The following CHN2 variants were observed in gnomAD, a reference collection of about 807,000 sequenced individuals.
The protein encoded by CHN2 is beta-chimaerin.
Under a neutral mutation model 56.3 loss-of-function variants are expected in CHN2, and 35 were observed. The observed-to-expected ratio is 0.62, with a 90% CI of 0.47 to 0.82. The LOEUF is 0.82. Among genes scored for constraint, CHN2 ranks in the 40% least tolerant of loss-of-function variants. The pLI is 0.00. For synonymous variants in CHN2, 210 were observed against 212.8 expected (o/e 0.99, Z 0.12); for missense variants, 491 against 580.5 (o/e 0.85, Z 1.58).
intron 2 of CHN2, among the ~76,000 whole-genome samples, chr7:29,188,057 CAGGGGGGTGGTAGGG>C (rs1798934635): frequency 6.6e-6 from 1 of 152,116 alleles, no homozygotes; most frequent in South Asian, 2.1e-4. Context: ...GGTGATGTAA[CAGGGGGGTGGTAGGG>C]AGAGATGAAA....
chr7:29,167,929 G>A (rs1458481448), intron 2 of CHN2, among the ~76,000 whole-genome samples: 2 of 152,154 alleles, frequency 1.3e-5, no homozygotes, highest in Admixed American at 1.3e-4. Context: ...TGACAAGGAG[G>A]CCTACAACAT....
intron 1 of CHN2, among the ~76,000 whole-genome samples, chr7:29,210,187 G>A: frequency 6.6e-6 from 1 of 152,146 alleles, no homozygotes; most frequent in East Asian, 1.9e-4. Flanking sequence ...GTGTAAATCA[G>A]TTACACTCAC....
intron 1 of CHN2, chr7:29,293,008 G>A: frequency 1.1e-5 from 5 of 456,174 alleles, no homozygotes; most frequent in South Asian, 7.7e-5. Context: ...CTCAGAGCCA[G>A]CCTCTGCATG....
intron 1 of CHN2, among the ~76,000 whole-genome samples, chr7:29,351,427 G>A (rs2128923051): frequency 6.6e-6 from 1 of 152,342 alleles, no homozygotes; most frequent in African/African-American, 2.4e-5. Context: ...TTGGCTAATA[G>A]AGGATGAGAG....
At chr7:29,229,161 G>A (rs901274286) in intron 1 of CHN2, among the ~76,000 whole-genome samples, 3 of 152,190 alleles carry the variant, frequency 2.0e-5, no homozygotes, top group African/African-American at 7.2e-5. Flanking sequence ...GGGGTGGGGT[G>A]AGGAACAAGG....
At chr7:29,441,903 A>G (rs1010834127) in intron 6 of CHN2, among the ~76,000 whole-genome samples, 2 of 152,232 alleles carry the variant, frequency 1.3e-5, no homozygotes, top group African/African-American at 2.4e-5. Context: ...GTAGAATACC[A>G]TATAACTCAT....
Position 29,501,736 on chromosome 7 carries a change from C to T in CHN2, c.913+1696C>T, listed in dbSNP as rs1410413780. 2.0e-5 allele frequency among the ~76,000 whole-genome samples: 3 copies of T among 152,132 alleles called. No homozygotes were observed. In the South Asian group the frequency reaches 6.2e-4, roughly 31 times the overall value. The stretch of plus-strand genomic sequence containing the variant: ...CACCGGGAGAAATTTGTATGACACC[C>T]GCATTCCCAGCTGTGGGGCCACCAC... On this transcript the variant is annotated intron_variant, in intron 9 of 12. Coordinates refer to ENST00000222792, the MANE Select transcript of CHN2 (RefSeq NM_004067.4).
chr7:29,252,620 G>A (rs1160951541), intron 1 of CHN2, among the ~76,000 whole-genome samples: 2 of 18,140 alleles, frequency 1.1e-4, no homozygotes, highest in Admixed American at 1.9e-3. Context: ...ACGGAGTCTC[G>A]CTCTGTCGCC....
At chr7:29,240,182 C>A (rs13236500) in intron 1 of CHN2, among the ~76,000 whole-genome samples, 21,128 of 152,108 alleles carry the variant, frequency 0.14, 1,735 homozygotes, top group Non-Finnish European at 0.19. Context: ...AACCACCACA[C>A]CCTAGGAAGG....
chr7:29,397,078 C>A (rs551322374), intron 4 of CHN2: 21 of 152,356 alleles, frequency 1.4e-4, no homozygotes, highest in Non-Finnish European at 1.9e-4. Flanking sequence ...GATTTAAAAT[C>A]AAAATTTGGG....
chr7:29,173,173 AC>A (rs1796836946), intron 2 of CHN2, among the ~76,000 whole-genome samples: 1 of 152,014 alleles, frequency 6.6e-6, no homozygotes, highest in African/African-American at 2.4e-5. Flanking sequence ...TTTTAAAAAA[AC>A]ATTTTTAAAA....
chr7:29,352,235 A>G (rs1446170723), intron 1 of CHN2, among the ~76,000 whole-genome samples: 1 of 152,112 alleles, frequency 6.6e-6, no homozygotes, highest in Non-Finnish European at 1.5e-5. Context: ...TTGCTTGACC[A>G]CTTCTTGGTC....
At chr7:29,368,905 C>G (rs768651738) in intron 3 of CHN2, among the ~76,000 whole-genome samples, 24 of 152,148 alleles carry the variant, frequency 1.6e-4, no homozygotes, top group Non-Finnish European at 3.2e-4. Context: ...AGTAGACTTT[C>G]TCATCCTAGG....
intron 2 of CHN2, among the ~76,000 whole-genome samples, chr7:29,188,604 A>G (rs963107877): frequency 6.6e-5 from 10 of 151,996 alleles, no homozygotes; most frequent in Non-Finnish European, 5.9e-5. Flanking sequence ...AGAAATGAAA[A>G]TATTGATTCA....
intron 3 of CHN2, among the ~76,000 whole-genome samples, chr7:29,381,108 G>A (rs560533389): frequency 6.6e-6 from 1 of 152,252 alleles, no homozygotes; most frequent in Admixed American, 6.5e-5. Context: ...TGGATTTTGA[G>A]TCTCCTTTAC....
chr7:29,434,289 C>T (rs894513517), intron 6 of CHN2, among the ~76,000 whole-genome samples: 1 of 152,190 alleles, frequency 6.6e-6, no homozygotes, highest in Non-Finnish European at 1.5e-5. Context: ...CCACCATGTT[C>T]TCTGCCATGA....
chr7:29,408,915 C>G (rs1243961318), intron 6 of CHN2, among the ~76,000 whole-genome samples: 2 of 152,230 alleles, frequency 1.3e-5, no homozygotes, highest in Admixed American at 1.3e-4. Flanking sequence ...AGAGACACGG[C>G]TCCCGAGAAA....
intron 11 of CHN2, 85 bp downstream of exon 11, chr7:29,507,450 G>A: frequency 9.7e-7 from 1 of 1,029,632 alleles, no homozygotes; most frequent in Admixed American, 2.4e-5. Context: ...ACTCAGAACT[G>A]TTTAAATTAT....
intron 3 of CHN2, among the ~76,000 whole-genome samples, chr7:29,383,920 A>T (rs1230530713): frequency 6.6e-6 from 1 of 152,230 alleles, no homozygotes; most frequent in Non-Finnish European, 1.5e-5. Context: ...CGTAGTCTAG[A>T]TGAGTAGATA....
Sources: gnomAD v4.1 joint callset for allele counts (sites outside exome capture counted in the v4.1 genomes callset) on GRCh38, gnomAD v4.1.1 for gene constraint, MANE v1.5 for transcripts, NCBI Gene and HGNC (gene_info 2026-07-23, HGNC 2026-07-21) for gene names.